Variants in ROCK1 observed in about 807,000 individuals in gnomAD.
ROCK1 encodes the protein Rho associated coiled-coil containing protein kinase 1.
A neutral mutation model predicts 196.8 loss-of-function variants in ROCK1; 36 were observed. The ratio of observed to expected loss-of-function variants is 0.18; its 90% CI spans 0.14 to 0.24. The LOEUF (loss-of-function observed/expected upper bound fraction) is 0.24, where lower values mean the gene tolerates loss of function less well. Ranked by LOEUF, ROCK1 falls within the 10% of genes least tolerant of loss-of-function variation. ROCK1 has a pLI of 1.00. For synonymous variants in ROCK1, 443 were observed against 515.9 expected, an observed-to-expected ratio of 0.86 and a Z score of 1.91; for missense variants, 920 against 1,562.0, an observed-to-expected ratio of 0.59 and a Z score of 6.93.
At chr18:21,029,715 T>C (rs923582295) in intron 9 of ROCK1, among the ~76,000 whole-genome samples, 4 of 152,182 alleles carry the variant, frequency 2.6e-5, no homozygotes, top group African/African-American at 9.6e-5. Context: ...ATATTCATAA[T>C]ATAGGAGAAA....
At chr18:21,030,106 C>T (rs7239317) in intron 9 of ROCK1, among the ~76,000 whole-genome samples, 11,276 of 152,194 alleles carry the variant, frequency 0.074, 606 homozygotes, top group Admixed American at 0.15. Context: ...GGCTTTTCCA[C>T]CATTCCACTT....
chr18:20,964,639 C>T (rs1010866147), intron 27 of ROCK1, among the ~76,000 whole-genome samples: 4 of 152,186 alleles, frequency 2.6e-5, no homozygotes, highest in African/African-American at 7.2e-5. Context: ...AGAATGGCTA[C>T]CAGTACTCCC....
intron 1 of ROCK1, among the ~76,000 whole-genome samples, chr18:21,109,689 A>T (rs1177245648): frequency 6.6e-6 from 1 of 152,220 alleles, no homozygotes; most frequent in Non-Finnish European, 1.5e-5. Context: ...TTGTTGTAAA[A>T]CCCATACACG....
chr18:21,055,127 T>TA (rs1486366936), intron 2 of ROCK1, among the ~76,000 whole-genome samples: 2 of 152,208 alleles, frequency 1.3e-5, no homozygotes, highest in African/African-American at 4.8e-5. Context: ...TCACTTTACT[T>TA]AGTTTGGCAA....
Position 21,023,636 on chromosome 18 carries a change from T to C in ROCK1, c.1256A>G (p.Asn419Ser), listed in dbSNP as rs2035932783. The C allele has an allele frequency of 1.3e-6, 2 of 1,569,158 alleles. No homozygotes were observed. Among genetic ancestry groups the C allele is most frequent in the Non-Finnish European group, 8.7e-7 (1 of 1,153,878 alleles). ...AATACCTACCAAGCTTTTATCTGCA[T>C]TGGAGCTAGTTCTGTTATCATTAGG... ...ANPNDNRTSS[N>S]ADKSLQESLQ... The change falls in exon 11 of 33, where the codon AAT becomes AGT. Residue 419 changes from asparagine to serine, a missense_variant. Around this residue, in one of 6 missense-constraint regions of ROCK1, gnomAD observed 520 missense variants for 657.1 expected, o/e 0.79. Transcript: ENST00000399799.
At chr18:20,957,848 G>A (rs1174962344) in intron 29 of ROCK1, among the ~76,000 whole-genome samples, 3 of 151,116 alleles carry the variant, frequency 2.0e-5, no homozygotes, top group Non-Finnish European at 2.9e-5. Flanking sequence ...ACAGGGTCTC[G>A]CTATGTTGCC....
Position 21,006,714 on chromosome 18 carries a change from G to A in ROCK1, c.1623C>T (p.Ser541=), listed in dbSNP as rs181254477. ...AAACACTTACCTGCTTTTGTAACTG[G>A]GACAGCTTCTCATTAGCAAGCTGTG... The part of the protein sequence containing the change: ...QNSQLANEKL[S]QLQKQLEEAN... The change falls in exon 15 of 33, where the codon TCC becomes TCT. Residue 541 remains serine, a synonymous_variant. Coordinates refer to ENST00000399799, the MANE Select transcript of ROCK1 (RefSeq NM_005406.3). The A allele has an allele frequency of 4.4e-6, 7 of 1,601,652 alleles. No individual in the cohort carries two copies. In the East Asian group the frequency reaches 1.6e-4, roughly 36 times the overall value.
At position 21,015,183 on chromosome 18, in the gene ROCK1, A is replaced by G. The variant is rs1299692875; in HGVS notation, c.1410+248T>C. 3.9e-5 allele frequency among the ~76,000 whole-genome samples: 6 copies of G among 152,152 alleles called. No individual in the cohort carries two copies. The East Asian group carries it at 1.2e-3, about 29-fold the overall frequency. On this transcript the variant is annotated intron_variant, in intron 13 of 32. Transcript: ENST00000399799. ...CTTTCTCACATTTCAACCATCGAGA[A>G]CCACTGAACTGAAATTTACGTACTA...
chr18:21,103,849 A>G (rs1253281903), intron 1 of ROCK1, among the ~76,000 whole-genome samples: 1 of 152,242 alleles, frequency 6.6e-6, no homozygotes, highest in East Asian at 1.9e-4. Flanking sequence ...GTACTTCATT[A>G]CACAGAGATT....
At chr18:21,095,124 T>A (rs557906053) in intron 1 of ROCK1, among the ~76,000 whole-genome samples, 4 of 145,692 alleles carry the variant, frequency 2.7e-5, no homozygotes, top group Admixed American at 6.8e-5. Flanking sequence ...CCACTGATCA[T>A]CAGAGAAATG....
chr18:21,078,509 G>C (rs1457495012), intron 1 of ROCK1, among the ~76,000 whole-genome samples: 1 of 152,068 alleles, frequency 6.6e-6, no homozygotes, highest in Non-Finnish European at 1.5e-5. Flanking sequence ...AAAGCCCGGG[G>C]CACCTGTGCT....
chr18:20,990,964 T>TG (rs1163971715), intron 18 of ROCK1, among the ~76,000 whole-genome samples: 1 of 151,938 alleles, frequency 6.6e-6, no homozygotes, highest in Non-Finnish European at 1.5e-5. Context: ...TTCACCACAT[T>TG]GGCCAGGCTG....
chr18:21,028,682 T>C, intron 10 of ROCK1, 94 bp downstream of exon 10: 1 of 1,092,878 alleles, frequency 9.2e-7, no homozygotes, highest in Non-Finnish European at 1.3e-6. Context: ...GGTGTATCTT[T>C]ATATAGCATT....
At chr18:20,965,625 A>G (rs2035367360) in intron 27 of ROCK1, among the ~76,000 whole-genome samples, 1 of 152,188 alleles carries the variant, frequency 6.6e-6, no homozygotes, top group Admixed American at 6.5e-5. Context: ...GATTAAGTCT[A>G]ACTTTAGAAA....
At position 21,059,437 on chromosome 18, in the gene ROCK1, G is replaced by A. The variant is rs552519759; in HGVS notation, c.176-9557C>T. Among the ~76,000 whole-genome samples, 22 of 152,028 alleles carry A rather than the reference G, an allele frequency of 1.4e-4. No individual in the cohort carries two copies. In the East Asian group the frequency reaches 2.5e-3, roughly 17 times the overall value. On this transcript the variant is annotated intron_variant, in intron 2 of 32. Transcript: ENST00000399799. ...TCTATAGGTCTGTTTCTTCTATTAC[G>A]TTGTATGTCCCCACAATCCTTAAGG...
chr18:21,037,087 A>G (rs2143494890), intron 9 of ROCK1, among the ~76,000 whole-genome samples: 2 of 152,270 alleles, frequency 1.3e-5, no homozygotes, highest in South Asian at 4.1e-4. Context: ...GTTTGCTTGC[A>G]GTTATGACCT....
At chr18:21,104,142 A>G (rs1030132985) in intron 1 of ROCK1, among the ~76,000 whole-genome samples, 1 of 152,218 alleles carries the variant, frequency 6.6e-6, no homozygotes, top group African/African-American at 2.4e-5. Flanking sequence ...TTTTTCTATC[A>G]ATTATCGTAA....
chr18:20,984,754 G>A (rs1484963586), intron 19 of ROCK1, among the ~76,000 whole-genome samples: 1 of 151,956 alleles, frequency 6.6e-6, no homozygotes, highest in Non-Finnish European at 1.5e-5. Context: ...CTTGTGGAGG[G>A]AAAAAAATTC....
chr18:21,083,703 TGCTG>T (rs551550592), intron 1 of ROCK1, among the ~76,000 whole-genome samples: 5 of 152,358 alleles, frequency 3.3e-5, no homozygotes, highest in African/African-American at 1.2e-4. Context: ...ATTTTCTTTT[TGCTG>T]GCTAACATTA....
Sources: allele counts gnomAD v4.1 joint callset (sites outside exome capture counted in the v4.1 genomes callset), GRCh38; gene constraint gnomAD v4.1.1; regional missense constraint gnomAD v4.1.1; transcripts MANE v1.5; gene names NCBI Gene and HGNC (gene_info 2026-07-23, HGNC 2026-07-21).